Variants in SAMD5 observed in about 807,000 individuals in gnomAD.
SAMD5 encodes the protein sterile alpha motif domain-containing protein 5.
SAMD5 carries 13 observed loss-of-function variants against 11.3 expected under a neutral mutation model. The observed-to-expected ratio is 1.15, with a 90% CI of 0.75 to 1.83. The LOEUF is 1.83. Ranked by LOEUF, SAMD5 falls within the 40% of genes most tolerant of loss-of-function variation. The pLI is 0.00. For missense variants in SAMD5, 255 were observed against 239.1 expected, an observed-to-expected ratio of 1.07 and a Z score of -0.44; for synonymous variants, 129 against 111.3, an observed-to-expected ratio of 1.16 and a Z score of -1.00.
chr6:147,856,826 G>T, the SAMD5 span, among the ~76,000 whole-genome samples: 33 of 116,904 alleles, frequency 2.8e-4, 1 homozygote, highest in African/African-American at 6.5e-4. Flanking sequence ...GGGCGCGGGG[G>T]GGGGGGGAAG....
At chr6:147,673,997 A>T (rs1399517724) in intron 1 of SAMD5, among the ~76,000 whole-genome samples, 3 of 152,230 alleles carry the variant, frequency 2.0e-5, no homozygotes, top group African/African-American at 7.2e-5. Flanking sequence ...AACAGTAAGT[A>T]TGACTTGGTA....
chr6:147,537,930 C>T (rs1298522945), intron 1 of SAMD5, among the ~76,000 whole-genome samples: 1 of 152,112 alleles, frequency 6.6e-6, no homozygotes, highest in Non-Finnish European at 1.5e-5. Flanking sequence ...TTTAACATTA[C>T]ATAAAAATCG....
chr6:147,835,653 C>T, the SAMD5 span, among the ~76,000 whole-genome samples: 1 of 152,094 alleles, frequency 6.6e-6, no homozygotes, highest in East Asian at 1.9e-4. Context: ...CCTCTTCTGC[C>T]CCATATCACA....
the SAMD5 span, among the ~76,000 whole-genome samples, chr6:147,933,838 G>C: frequency 6.6e-6 from 1 of 152,290 alleles, no homozygotes; most frequent in East Asian, 1.9e-4. Flanking sequence ...TCCTGAGGAA[G>C]AGAAATGTGT....
the SAMD5 span, among the ~76,000 whole-genome samples, chr6:147,870,449 A>AGTGT: frequency 6.4e-3 from 884 of 137,680 alleles, 14 homozygotes; most frequent in Admixed American, 0.035. Flanking sequence ...TGTGTGTGTG[A>AGTGT]GTGTGTGTGT....
At chr6:147,805,435 TC>T in the SAMD5 span, among the ~76,000 whole-genome samples, 21,069 of 152,198 alleles carry the variant, frequency 0.14, 1,620 homozygotes, top group Middle Eastern at 0.19. Context: ...GTAATGGAAA[TC>T]CAACTTCCTT....
At chr6:147,884,056 C>T in the SAMD5 span, among the ~76,000 whole-genome samples, 2 of 152,082 alleles carry the variant, frequency 1.3e-5, no homozygotes, top group African/African-American at 4.8e-5. Context: ...CTTCTATAGT[C>T]GTTTTTGGGT....
chr6:147,949,333 G>T, the SAMD5 span, among the ~76,000 whole-genome samples: 1 of 152,110 alleles, frequency 6.6e-6, no homozygotes, highest in South Asian at 2.1e-4. Flanking sequence ...AACTCAGACC[G>T]CAGTAATATA....
intron 1 of SAMD5, among the ~76,000 whole-genome samples, chr6:147,559,003 A>C (rs1456993109): frequency 6.6e-6 from 1 of 152,202 alleles, no homozygotes; most frequent in Non-Finnish European, 1.5e-5. Flanking sequence ...AAGAGTGGTG[A>C]CCTAGCCCCC....
intron 1 of SAMD5, among the ~76,000 whole-genome samples, chr6:147,735,752 T>C (rs1254038459): frequency 6.6e-6 from 1 of 152,174 alleles, no homozygotes; most frequent in Admixed American, 6.5e-5. Flanking sequence ...AGAGTCACCA[T>C]TGTAGACTTG....
intron 1 of SAMD5, among the ~76,000 whole-genome samples, chr6:147,643,793 G>GAAGA (rs1790351580): frequency 6.7e-6 from 1 of 150,308 alleles, no homozygotes; most frequent in Non-Finnish European, 1.5e-5. Flanking sequence ...AGGAAGGAAG[G>GAAGA]AAAGAGAGAG....
At chr6:147,781,186 C>T in the SAMD5 span, among the ~76,000 whole-genome samples, 2 of 147,224 alleles carry the variant, frequency 1.4e-5, no homozygotes, top group Admixed American at 6.8e-5. Flanking sequence ...GACAGGGTCT[C>T]ATTTTGTCAT....
chr6:147,515,743 G>T (rs1340892182), intron 1 of SAMD5, among the ~76,000 whole-genome samples: 1 of 152,138 alleles, frequency 6.6e-6, no homozygotes, highest in Admixed American at 6.5e-5. Context: ...CCTAATGCCT[G>T]ATGTATAATA....
chr6:147,928,153 T>C, the SAMD5 span, among the ~76,000 whole-genome samples: 1 of 152,112 alleles, frequency 6.6e-6, no homozygotes, highest in Non-Finnish European at 1.5e-5. Flanking sequence ...CTCTGCCAGG[T>C]TTTTGAATCA....
At chr6:147,795,633 A>G in the SAMD5 span, among the ~76,000 whole-genome samples, 4 of 151,060 alleles carry the variant, frequency 2.6e-5, no homozygotes, top group East Asian at 5.9e-4. Context: ...TCCCTGAGGA[A>G]TCACCACACT....
chr6:147,896,624 A>G, the SAMD5 span, among the ~76,000 whole-genome samples: 1 of 152,066 alleles, frequency 6.6e-6, no homozygotes, highest in Non-Finnish European at 1.5e-5. Flanking sequence ...TAATTTTTAA[A>G]GTAACAATAT....
At chr6:147,795,395 T>C in the SAMD5 span, among the ~76,000 whole-genome samples, 3 of 140,792 alleles carry the variant, frequency 2.1e-5, no homozygotes, top group Non-Finnish European at 4.6e-5. Context: ...GGACATGAAC[T>C]CATCATTTTT....
In SAMD5 at chr6:147,565,701, C is replaced by A; in HGVS notation, c.*1245C>A. 2.3e-6 allele frequency: 2 copies of A among 866,188 alleles called. No individual in the cohort carries two copies. Among genetic ancestry groups the A allele is most frequent in the Non-Finnish European group, 2.8e-6 (2 of 721,616 alleles). 53.7% of individuals were successfully genotyped at this position (866,188 alleles called of 1,614,324 possible). A position where few individuals can be genotyped will look rare whatever the true frequency, so the allele number is the denominator to read the frequency against. On this transcript the variant is annotated 3_prime_UTR_variant, in exon 2 of 2. Coordinates refer to ENST00000367474, the MANE Select transcript of SAMD5 (RefSeq NM_001030060.3). ...TCTTGAACTCCTGGCCTCAAATGAT[C>A]CACTCGCCGTGGCCTCCAGTAGCGC... is the stretch of plus-strand genomic sequence containing the variant.
downstream of SAMD5, among the ~76,000 whole-genome samples, chr6:147,741,099 G>A (rs1791873351): frequency 6.6e-6 from 1 of 152,192 alleles, no homozygotes; most frequent in Non-Finnish European, 1.5e-5. Context: ...TGAAAGGCAA[G>A]TTAATCATGG....
Sources: gnomAD v4.1 joint callset for allele counts (sites outside exome capture counted in the v4.1 genomes callset) on GRCh38, gnomAD v4.1.1 for gene constraint, MANE v1.5 for transcripts, NCBI Gene and HGNC (gene_info 2026-07-23, HGNC 2026-07-21) for gene names.